Variants in DMRT1 observed in about 807,000 individuals in gnomAD.
DMRT1 encodes the protein doublesex- and mab-3-related transcription factor 1.
In DMRT1, 7 loss-of-function variants were observed where a neutral mutation model predicts 32.3. The ratio of observed to expected loss-of-function variants is 0.22; its 90% confidence interval spans 0.12 to 0.41. The LOEUF (loss-of-function observed/expected upper bound fraction) is 0.41, where lower values mean the gene tolerates loss of function less well. DMRT1 is among the 10% of genes least tolerant of loss of function. The pLI is 1.00. For missense variants in DMRT1, 625 were observed against 500.5 expected (o/e 1.25, Z -2.37); for synonymous variants, 278 against 206.1 (o/e 1.35, Z -2.99).
chr9:841,797 G>A lies in DMRT1; in HGVS notation c.-42G>A, dbSNP rs898549353. 2 of 1,577,474 alleles carry A rather than the reference G, an allele frequency of 1.3e-6. No individual in the cohort carries two copies. Among genetic ancestry groups the A allele is most frequent in the Admixed American group, 1.8e-5 (1 of 54,468 alleles). On this transcript the variant is annotated 5_prime_UTR_variant, in exon 1 of 5. Transcript: ENST00000382276. Reference sequence around the variant, plus strand: ...TCATCCCTCGCAGCAGTCTCCAGGCGAGAGAGGGGGCCAGAGTGCTCGCAC... The same window carrying A: ...TCATCCCTCGCAGCAGTCTCCAGGCAAGAGAGGGGGCCAGAGTGCTCGCAC...
chr9:857,381 C>G (rs1050765476), intron 2 of DMRT1, among the ~76,000 whole-genome samples: 13 of 152,076 alleles, frequency 8.5e-5, no homozygotes, highest in Non-Finnish European at 1.8e-4. Context: ...ACGTTCCTTT[C>G]TTACTTGTCA....
intron 2 of DMRT1, among the ~76,000 whole-genome samples, chr9:851,350 C>T (rs963841930): frequency 6.6e-6 from 1 of 152,090 alleles, no homozygotes; most frequent in African/African-American, 2.4e-5. Context: ...ACGATTCTCT[C>T]ACCTCAGCCT....
Position 915,889 on chromosome 9 carries a change from C to T in DMRT1, c.823-874C>T, listed in dbSNP as rs1365195366. Among the ~76,000 whole-genome samples the T allele has an allele frequency of 2.0e-5, 3 of 152,032 alleles. No individual in the cohort carries two copies. The South Asian group carries it at 6.2e-4, about 32-fold the overall frequency. On this transcript the variant is annotated intron_variant, in intron 3 of 4. Coordinates refer to ENST00000382276, the MANE Select transcript of DMRT1 (RefSeq NM_021951.3). ...CTGGGACCACAGGTGCCCGCCACCA[C>T]GTCTGGCTAATTTTCTTGTATTTTT...
intron 4 of DMRT1, among the ~76,000 whole-genome samples, chr9:948,336 T>C (rs1240077961): frequency 2.6e-5 from 4 of 152,108 alleles, no homozygotes; most frequent in Non-Finnish European, 4.4e-5. Context: ...ATTAGGAAGA[T>C]TATTTGGCCC....
intron 4 of DMRT1, among the ~76,000 whole-genome samples, chr9:962,757 G>T (rs955484226): frequency 6.6e-6 from 1 of 152,080 alleles, no homozygotes; most frequent in Non-Finnish European, 1.5e-5. Context: ...AACAAAAAAG[G>T]CTTCTTCCCT....
At position 841,784 on chromosome 9, in the gene DMRT1, GCAGTCTC is replaced by G; in HGVS notation, c.-51_-45del. 1 of 1,564,174 alleles carries G rather than the reference GCAGTCTC, an allele frequency of 6.4e-7. No homozygotes were observed. The highest frequency in any genetic ancestry group is 8.7e-7 in the Non-Finnish European group (1 of 1,155,054). ...CTGTCCGTCGGGTTCATCCCTCGCA[GCAGTCTC>G]CAGGCGAGAGAGGGGGCCAGAGTGC... On this transcript the variant is annotated 5_prime_UTR_variant, in exon 1 of 5. Transcript: ENST00000382276.
intron 4 of DMRT1, among the ~76,000 whole-genome samples, chr9:927,341 G>C (rs1044679848): frequency 6.6e-6 from 1 of 152,228 alleles, no homozygotes; most frequent in Admixed American, 6.5e-5. Context: ...GTGCCTGGGC[G>C]GTGAAGTGTT....
chr9:942,754 A>G (rs537373917), intron 4 of DMRT1, among the ~76,000 whole-genome samples: 6 of 152,252 alleles, frequency 3.9e-5, no homozygotes, highest in South Asian at 2.1e-4. Flanking sequence ...TCGTAGCAAC[A>G]TCATGAGTTT....
intron 4 of DMRT1, among the ~76,000 whole-genome samples, chr9:931,783 T>C (rs1399690704): frequency 6.6e-6 from 1 of 152,206 alleles, no homozygotes; most frequent in Non-Finnish European, 1.5e-5. Flanking sequence ...CTAAAGGCCC[T>C]GTCTCCAAAT....
At chr9:934,453 C>T (rs1243893999) in intron 4 of DMRT1, among the ~76,000 whole-genome samples, 2 of 152,142 alleles carry the variant, frequency 1.3e-5, no homozygotes, top group African/African-American at 4.8e-5. Context: ...ATCACTTGAG[C>T]CCAGGAGTTT....
chr9:908,225 G>C (rs989090938), intron 3 of DMRT1, among the ~76,000 whole-genome samples: 1 of 152,150 alleles, frequency 6.6e-6, no homozygotes, highest in Non-Finnish European at 1.5e-5. Context: ...GGGGCCCAAG[G>C]TGAGAGGATC....
intron 4 of DMRT1, among the ~76,000 whole-genome samples, chr9:948,074 G>T (rs886389918): frequency 6.6e-6 from 1 of 152,088 alleles, no homozygotes; most frequent in Non-Finnish European, 1.5e-5. Context: ...GGTGGAATTG[G>T]GTAATTACTT....
At chr9:909,658 A>G (rs1817902182) in intron 3 of DMRT1, among the ~76,000 whole-genome samples, 1 of 152,172 alleles carries the variant, frequency 6.6e-6, no homozygotes, top group Non-Finnish European at 1.5e-5. Context: ...TACCCCAAAT[A>G]CAGCTTTTGC....
intron 2 of DMRT1, among the ~76,000 whole-genome samples, chr9:864,920 C>T (rs995030283): frequency 7.9e-5 from 12 of 152,124 alleles, no homozygotes; most frequent in African/African-American, 2.9e-4. Flanking sequence ...TTTACAGTTC[C>T]ATTCATTATA....
intron 2 of DMRT1, among the ~76,000 whole-genome samples, chr9:881,323 C>T (rs1816728359): frequency 6.6e-6 from 1 of 152,158 alleles, no homozygotes. Context: ...TGAACGGAAG[C>T]TATGTGAAAC....
At chr9:842,506 G>C (rs928656859) in intron 1 of DMRT1, 1 of 364,350 alleles carries the variant, frequency 2.7e-6, no homozygotes, top group African/African-American at 2.2e-5. Context: ...AAAGTGCTGG[G>C]ATTACAGGCG....
At chr9:955,926 C>A (rs1819584716) in intron 4 of DMRT1, among the ~76,000 whole-genome samples, 1 of 152,190 alleles carries the variant, frequency 6.6e-6, no homozygotes, top group Non-Finnish European at 1.5e-5. Context: ...CAGTTCTGCT[C>A]TGGGTAAATA....
intron 2 of DMRT1, among the ~76,000 whole-genome samples, chr9:881,054 G>A (rs1816716400): frequency 6.6e-6 from 1 of 152,122 alleles, no homozygotes; most frequent in Admixed American, 6.5e-5. Flanking sequence ...CCCATTGCGG[G>A]AGGCTGTCAC....
intron 2 of DMRT1, among the ~76,000 whole-genome samples, chr9:892,053 C>T (rs868168632): frequency 1.2e-4 from 19 of 152,120 alleles, no homozygotes; most frequent in Non-Finnish European, 2.4e-4. Flanking sequence ...TTTCTTGTTG[C>T]TTGTTGCTCC....
Sources: gnomAD v4.1 joint callset for allele counts (sites outside exome capture counted in the v4.1 genomes callset) on GRCh38, gnomAD v4.1.1 for gene constraint, MANE v1.5 for transcripts, NCBI Gene and HGNC (gene_info 2026-07-23, HGNC 2026-07-21) for gene names.